The following ABCA4 variants were observed in gnomAD, a reference collection of about 807,000 sequenced individuals.
ABCA4 encodes retinal-specific phospholipid-transporting ATPase ABCA4.
A neutral mutation model predicts 263.7 loss-of-function variants in ABCA4; 196 were observed. That is an observed-to-expected ratio of 0.74 (90% CI 0.66 to 0.84). The LOEUF (loss-of-function observed/expected upper bound fraction) is 0.84. Among genes scored for constraint, ABCA4 ranks in the 40% least tolerant of loss-of-function variants. The pLI, the probability that ABCA4 is intolerant of heterozygous loss-of-function variation, is 0.00. For missense variants in ABCA4, 2,792 were observed against 2,855.1 expected, an observed-to-expected ratio of 0.98 and a Z score of 0.50; for synonymous variants, 1,133 against 1,094.2, an observed-to-expected ratio of 1.04 and a Z score of -0.70.
At chr1:94,094,404 C>T (rs1296553285) in intron 6 of ABCA4, among the ~76,000 whole-genome samples, 1 of 152,166 alleles carries the variant, frequency 6.6e-6, no homozygotes, top group Non-Finnish European at 1.5e-5. Flanking sequence ...CCAGCCACCC[C>T]GTAGTCAAAG....
At chr1:94,020,362 A>G (rs889923041) in intron 35 of ABCA4, among the ~76,000 whole-genome samples, 3 of 152,174 alleles carry the variant, frequency 2.0e-5, no homozygotes, top group African/African-American at 7.2e-5. Context: ...ACAAGCCATA[A>G]CCCCTGGCAT....
At chr1:94,099,686 A>C (rs1299654952) in intron 5 of ABCA4, among the ~76,000 whole-genome samples, 1 of 152,248 alleles carries the variant, frequency 6.6e-6, no homozygotes, top group Non-Finnish European at 1.5e-5. Context: ...ATTTCAGATA[A>C]ATGAATACTT....
intron 40 of ABCA4, chr1:94,010,541 T>C: frequency 1.7e-6 from 1 of 595,358 alleles, no homozygotes; most frequent in Non-Finnish European, 3.0e-6. Context: ...GGTAATTAAA[T>C]GAGAAGGATT....
chr1:94,047,354 A>G (rs1049480907), intron 18 of ABCA4, among the ~76,000 whole-genome samples: 1 of 152,236 alleles, frequency 6.6e-6, no homozygotes, highest in African/African-American at 2.4e-5. Context: ...CCTAAGGGGT[A>G]GACATTTATT....
chr1:94,092,914 C>G (rs1285816534), intron 6 of ABCA4, among the ~76,000 whole-genome samples: 1 of 152,208 alleles, frequency 6.6e-6, no homozygotes, highest in African/African-American at 2.4e-5. Context: ...TCCATCTCTT[C>G]TCTAATGTGA....
At chr1:94,030,335 G>A (rs1660162273) in intron 29 of ABCA4, 93 bp downstream of exon 29, 1 of 1,084,774 alleles carries the variant, frequency 9.2e-7, no homozygotes, top group Non-Finnish European at 1.4e-6. Flanking sequence ...GCAGGATTGA[G>A]TGGGGCCTCC....
chr1:94,081,114 A>G (rs1661688717), intron 7 of ABCA4, among the ~76,000 whole-genome samples: 1 of 152,126 alleles, frequency 6.6e-6, no homozygotes, highest in Non-Finnish European at 1.5e-5. Flanking sequence ...ACTCCCAGCT[A>G]TTCGGGAGGC....
Position 94,014,556 on chromosome 1 carries a change from A to G in ABCA4, c.5447T>C (p.Phe1816Ser). 6.2e-7 allele frequency: 1 copy of G among 1,614,250 alleles called. No individual in the cohort carries two copies. The highest frequency in any genetic ancestry group is 8.5e-7 in the Non-Finnish European group (1 of 1,180,038). ...AGTTATGCTCACCCGGTTATTCTCA[A>G]ATAATTCCAAGATGAAGGTAATAGC... The part of the protein sequence containing the change: ...SSAITFILEL[F>S]ENNRTLLRFN... The change falls in exon 38 of 50, where the codon TTT becomes TCT. Residue 1816 changes from phenylalanine (F) to serine (S), a missense_variant. Transcript: ENST00000370225.
chr1:94,050,927 T>C (rs969444909), intron 17 of ABCA4, among the ~76,000 whole-genome samples: 1 of 152,248 alleles, frequency 6.6e-6, no homozygotes, highest in African/African-American at 2.4e-5. Flanking sequence ...ACTTCAGCTC[T>C]AGGGGAGTCC....
chr1:94,095,609 A>C (rs1448711527), intron 6 of ABCA4, among the ~76,000 whole-genome samples: 1 of 151,936 alleles, frequency 6.6e-6, no homozygotes. Context: ...TGCCTGCCTG[A>C]TGCTCCTTTC....
chr1:94,110,865 C>T (rs1662582440), intron 3 of ABCA4, among the ~76,000 whole-genome samples: 1 of 151,322 alleles, frequency 6.6e-6, no homozygotes, highest in African/African-American at 2.4e-5. Context: ...AGTGAAGAGC[C>T]ACTGCACCCG....
chr1:94,014,800 G>A, intron 37 of ABCA4, 110 bp from the exon 38 acceptor site: 1 of 1,399,642 alleles, frequency 7.1e-7, no homozygotes, highest in Non-Finnish European at 1.0e-6. Flanking sequence ...TGTGTGAACT[G>A]GCCAGAGTCC....
At chr1:94,073,816 A>G (rs1661468687) in intron 11 of ABCA4, among the ~76,000 whole-genome samples, 1 of 127,866 alleles carries the variant, frequency 7.8e-6, no homozygotes, top group Non-Finnish European at 1.7e-5. Context: ...CAAGTAGACA[A>G]GGAGTATTCT....
At chr1:94,118,719 G>C (rs917646699) in intron 1 of ABCA4, among the ~76,000 whole-genome samples, 7 of 152,224 alleles carry the variant, frequency 4.6e-5, no homozygotes, top group Non-Finnish European at 7.3e-5. Flanking sequence ...CCCTGGCCAA[G>C]GCCCTCAGCC....
chr1:94,067,378 A>G (rs1286034631), intron 11 of ABCA4, among the ~76,000 whole-genome samples: 1 of 152,168 alleles, frequency 6.6e-6, no homozygotes, highest in Non-Finnish European at 1.5e-5. Flanking sequence ...TGCTGTGATG[A>G]CGTGGGCTCC....
Position 94,113,019 on chromosome 1 carries a change from G to T in ABCA4, c.114C>A (p.Val38=). The T allele has an allele frequency of 1.2e-6, 2 of 1,614,028 alleles. No homozygotes were observed. Among genetic ancestry groups the T allele is most frequent in the South Asian group, 2.2e-5 (2 of 91,056 alleles). ...GGTTGGCATTCCTTAACCAGATCAA[G>T]ACCAGAAATAAAGATAAAGGCCACA... The part of the protein sequence containing the change: ...ELVWPLSLFL[V]LIWLRNANPL... Residue 38 remains valine, a synonymous_variant, in exon 2 of 50, where the codon GTC becomes GTA. Transcript: ENST00000370225.
chr1:94,048,905 C>T lies in ABCA4; in HGVS notation c.2706G>A (p.Glu902=). ...CTGGGTGCTCTGGATCCTCCGTTTC[C>T]TCTGTTAGGGGCTCGGTCTTTTCCA... ...RALEKTEPLT[E]ETEDPEHPEG... is the part of the protein sequence containing the mutation. Residue 902 remains glutamate (E), a synonymous_variant, in exon 18 of 50, where the codon GAG becomes GAA. Coordinates refer to ENST00000370225, the MANE Select transcript of ABCA4 (RefSeq NM_000350.3). 1 of 1,614,064 alleles carries T rather than the reference C, an allele frequency of 6.2e-7. No homozygotes were observed. The highest frequency in any genetic ancestry group is 8.5e-7 in the Non-Finnish European group (1 of 1,180,016).
At chr1:94,046,867 C>A in intron 19 of ABCA4, 52 bp downstream of exon 19, 1 of 1,600,730 alleles carries the variant, frequency 6.2e-7, no homozygotes, top group Non-Finnish European at 8.6e-7. Flanking sequence ...AAAGACTAAG[C>A]CAGGAAATGA....
chr1:94,075,189 G>A (rs1294588717), intron 11 of ABCA4, among the ~76,000 whole-genome samples: 1 of 152,098 alleles, frequency 6.6e-6, no homozygotes, highest in African/African-American at 2.4e-5. Flanking sequence ...GCGAGGGAGA[G>A]CATTAGGACA....
Sources: gnomAD v4.1 joint callset for allele counts (sites outside exome capture counted in the v4.1 genomes callset) on GRCh38, gnomAD v4.1.1 for gene constraint, MANE v1.5 for transcripts, NCBI Gene and HGNC (gene_info 2026-07-23, HGNC 2026-07-21) for gene names.